SLC6A20: variants seen among roughly 807,000 people sequenced by gnomAD.
SLC6A20 encodes sodium- and chloride-dependent transporter XTRP3.
In SLC6A20, 73 loss-of-function variants were observed where a neutral mutation model predicts 64.3. That is an observed-to-expected ratio of 1.14 (90% CI 0.94 to 1.38). The LOEUF is 1.38. Ranked by LOEUF, SLC6A20 falls within the 40% of genes most tolerant of loss-of-function variation. The pLI is 0.00. For missense variants in SLC6A20, 725 were observed against 772.8 expected (o/e 0.94, Z 0.73); for synonymous variants, 347 against 329.6 (o/e 1.05, Z -0.57).
intron 9 of SLC6A20, 28 bp downstream of exon 9, chr3:45,762,885 T>A: frequency 6.2e-7 from 1 of 1,612,328 alleles, no homozygotes; most frequent in Non-Finnish European, 8.5e-7. Flanking sequence ...GTTTTCCCTA[T>A]GCAAATGAGG....
Position 45,758,428 on chromosome 3 carries a change from CTTCT to C in SLC6A20, c.*546_*549del, listed in dbSNP as rs892408825. On this transcript the variant is annotated 3_prime_UTR_variant, in exon 11 of 11. Transcript: ENST00000358525. ...CCCTTTGGGGGTCCCAGACAAAGAT[CTTCT>C]TTCTTTATAACTTGTCATCCTAAGA... 5 of 1,277,400 alleles carry C rather than the reference CTTCT, an allele frequency of 3.9e-6. No homozygotes were observed. The African/African-American group carries it at 7.7e-5, about 20-fold the overall frequency. 79.1% of individuals were successfully genotyped at this position (1,277,400 alleles called of 1,614,324 possible). A position where few individuals can be genotyped will look rare whatever the true frequency, so the allele number is the denominator to read the frequency against.
At chr3:45,790,665 C>G (rs1700234866) in intron 1 of SLC6A20, 1 of 152,994 alleles carries the variant, frequency 6.5e-6, no homozygotes, top group African/African-American at 2.4e-5. Flanking sequence ...GCAGCATCAC[C>G]CCTTCTCCAG....
At chr3:45,760,321 G>A (rs1042626082) in intron 9 of SLC6A20, among the ~76,000 whole-genome samples, 2 of 152,220 alleles carry the variant, frequency 1.3e-5, no homozygotes, top group Non-Finnish European at 2.9e-5. Context: ...TAGCCCAGAG[G>A]GCAGCCTCCA....
At position 45,765,731 on chromosome 3, in the gene SLC6A20, C is replaced by T. The variant is rs1699766096; in HGVS notation, c.1109G>A (p.Gly370Asp). The change falls in exon 8 of 11, where the codon GGC becomes GAC. Residue 370 changes from glycine (G) to aspartate (D), a missense_variant. Transcript: ENST00000358525. This position sits in a 1 kb window ranked among gnomAD's most constrained non-coding sequence, Gnocchi z 4.2. ...LESELDTAVQGTGLAFIVYTE... is the reference protein window; with the variant it reads ...LESELDTAVQDTGLAFIVYTE... ...GTAGACGATGAATGCCAGGCCAGTG[C>T]CCTGGACGGCCTGCCCAGGGTGAGA... 1 of 1,614,022 alleles carries T rather than the reference C, an allele frequency of 6.2e-7. No homozygotes were observed.
chr3:45,776,106 G>A (rs1437991301), intron 3 of SLC6A20, 118 bp from the exon 4 acceptor site: 10 of 973,590 alleles, frequency 1.0e-5, no homozygotes, highest in African/African-American at 9.6e-5. Flanking sequence ...GCTGGTCCCC[G>A]AAGGGCAGGT....
chr3:45,793,425 G>A (rs1700290412), intron 1 of SLC6A20, among the ~76,000 whole-genome samples: 1 of 152,056 alleles, frequency 6.6e-6, no homozygotes. Context: ...ATTTTGACAT[G>A]GTTGCCCAAG....
In SLC6A20 at chr3:45,771,452, G is replaced by A; in HGVS notation, c.700C>T (p.Gln234Ter). The A allele has an allele frequency of 6.2e-7, 1 of 1,614,146 alleles. No homozygotes were observed. Among genetic ancestry groups the A allele is most frequent in the Non-Finnish European group, 8.5e-7 (1 of 1,179,980 alleles). The change falls in exon 6 of 11, where the codon CAG (glutamine) becomes TAG (stop). Residue 234 changes from glutamine to a stop codon, truncating the protein, a stop_gained. Coordinates refer to ENST00000358525, the MANE Select transcript of SLC6A20 (RefSeq NM_020208.4). LOFTEE classifies it high-confidence loss of function. ...LMYMFTPKIE[Q>*]LANPKAWINA... ...ATCCAGGCCTTGGGGTTGGCCAGCT[G>A]CTCTATCTGGAAGGCCAGCAGGGAC... is the stretch of plus-strand genomic sequence containing the variant.
rs77835434 is a variant in SLC6A20, at chr3:45,758,963, T to C, written c.*15A>G. ...TAGTATCTGTAAAACCGTGAGCGGC[T>C]GGGAAGCCCACATCTCAGGCCACGG... On this transcript the variant is annotated 3_prime_UTR_variant, in exon 11 of 11. Transcript: ENST00000358525. 4.0e-5 allele frequency: 64 copies of C among 1,587,120 alleles called. No homozygotes were observed. In the East Asian group the frequency reaches 1.4e-3, roughly 36 times the overall value.
rs1451076077 is a variant in SLC6A20, at chr3:45,776,006, G to A, written c.355-18C>T. The A allele has an allele frequency of 4.3e-6, 7 of 1,612,258 alleles. No homozygotes were observed. The highest frequency in any genetic ancestry group is 1.3e-5 in the African/African-American group (1 of 74,888). ...AGGGGATCCTGTGGGACCAAAGCAA[G>A]TGTTATCCAGGGAGGTGAAGGCTGA... On this transcript the variant is annotated intron_variant, in intron 3 of 10. Transcript: ENST00000358525.
chr3:45,783,001 G>T (rs1700122524), intron 1 of SLC6A20, among the ~76,000 whole-genome samples: 1 of 152,248 alleles, frequency 6.6e-6, no homozygotes, highest in South Asian at 2.1e-4. Flanking sequence ...CTGGATCCAT[G>T]CATTCAGCTG....
chr3:45,763,517 G>T (rs1227483974), intron 8 of SLC6A20, among the ~76,000 whole-genome samples: 1 of 152,060 alleles, frequency 6.6e-6, no homozygotes, highest in African/African-American at 2.4e-5. Context: ...TTCCTAGAGA[G>T]GACTTGCCTC....
intron 2 of SLC6A20, among the ~76,000 whole-genome samples, chr3:45,780,645 C>T (rs186038407): frequency 2.6e-5 from 4 of 152,224 alleles, no homozygotes; most frequent in East Asian, 1.9e-4. Flanking sequence ...GCCCGTAATT[C>T]GGTCAGGCCT....
rs1393574863 is a variant in SLC6A20, at chr3:45,796,377, C to A, written c.43G>T (p.Val15Leu). The stretch of plus-strand genomic sequence containing the variant: ...ACGGCGTACGAGATGCAGGCGAACA[C>A]GAACTGTAGCGAGTTGGCCCACAGC... ...RPLWANSLQF[V>L]FACISYAVGL... The change falls in exon 1 of 11, where the codon GTG (valine) becomes TTG (leucine). Residue 15 changes from valine (V) to leucine (L), a missense_variant. Val to Leu is a conservative substitution (Grantham distance 32). Transcript: ENST00000358525. 3.1e-6 allele frequency: 5 copies of A among 1,612,802 alleles called. No individual in the cohort carries two copies. Among genetic ancestry groups the A allele is most frequent in the African/African-American group, 2.7e-5 (2 of 74,732 alleles).
Position 45,758,577 on chromosome 3 carries a change from G to T in SLC6A20, c.*401C>A. On this transcript the variant is annotated 3_prime_UTR_variant, in exon 11 of 11. Coordinates refer to ENST00000358525, the MANE Select transcript of SLC6A20 (RefSeq NM_020208.4). Reference sequence around the variant, plus strand: ...TAGGCACTTCAAAACTCCTTAAATGGATCTAAAAATATTTGTCCTCTAATA... The same window carrying T: ...TAGGCACTTCAAAACTCCTTAAATGTATCTAAAAATATTTGTCCTCTAATA... The T allele has an allele frequency of 2.7e-6, 3 of 1,101,778 alleles. No individual in the cohort carries two copies. Among genetic ancestry groups the T allele is most frequent in the Non-Finnish European group, 3.3e-6 (3 of 897,310 alleles). 68.3% of individuals were successfully genotyped at this position (1,101,778 alleles called of 1,614,324 possible). A position where few individuals can be genotyped will look rare whatever the true frequency, so the allele number is the denominator to read the frequency against.
At chr3:45,786,233 A>G (rs1700167402) in intron 1 of SLC6A20, among the ~76,000 whole-genome samples, 1 of 152,256 alleles carries the variant, frequency 6.6e-6, no homozygotes, top group Admixed American at 6.5e-5. Flanking sequence ...TAACACCAAC[A>G]TCAAACTATT....
At position 45,755,931 on chromosome 3, in the gene SLC6A20, T is replaced by TAA. The variant is rs1699532524; in HGVS notation, c.*3045_*3046dup. ...ATGCTCAAAAATGCCTTCAAATTTTTAAGTCATTTTATAAAATGTAAATAC... is the reference window on the plus strand; with the variant it reads ...ATGCTCAAAAATGCCTTCAAATTTTTAAAAGTCATTTTATAAAATGTAAATAC... On this transcript the variant is annotated 3_prime_UTR_variant, in exon 11 of 11. Transcript: ENST00000358525. 6.6e-6 allele frequency: 1 copy of TAA among 152,316 alleles called. No homozygotes were observed. The highest frequency in any genetic ancestry group is 2.1e-4 in the South Asian group (1 of 4,834). 9.4% of individuals were successfully genotyped at this position (152,316 alleles called of 1,614,324 possible).
At chr3:45,784,060 G>A (rs1431286666) in intron 1 of SLC6A20, among the ~76,000 whole-genome samples, 2 of 152,226 alleles carry the variant, frequency 1.3e-5, no homozygotes, top group Non-Finnish European at 2.9e-5. Context: ...CAGTAACTAT[G>A]TAAGGCCTGG....
intron 4 of SLC6A20, among the ~76,000 whole-genome samples, chr3:45,772,905 C>A (rs1411578337): frequency 6.6e-6 from 1 of 152,106 alleles, no homozygotes; most frequent in Non-Finnish European, 1.5e-5. Flanking sequence ...TTCAACCTGA[C>A]CTTATTCTGG....
intron 4 of SLC6A20, among the ~76,000 whole-genome samples, chr3:45,773,256 A>G (rs17279465): frequency 0.33 from 49,563 of 152,158 alleles, 9,612 homozygotes; most frequent in Non-Finnish European, 0.44. Context: ...CAATGTCCCC[A>G]TAATAAACAC....
Sources: gnomAD v4.1 joint callset for allele counts (sites outside exome capture counted in the v4.1 genomes callset) on GRCh38, gnomAD v4.1.1 for gene constraint, Gnocchi (gnomAD v3.1) non-coding constraint, MANE v1.5 for transcripts, NCBI Gene and HGNC (gene_info 2026-07-23, HGNC 2026-07-21) for gene names.